Variants in POMT1 observed in about 807,000 individuals in gnomAD.
The protein encoded by POMT1 is protein O-mannosyl-transferase 1.
POMT1 carries 85 observed loss-of-function variants against 101.6 expected under a neutral mutation model. That is an observed-to-expected ratio of 0.84 (90% confidence interval 0.70 to 1.00). The LOEUF (loss-of-function observed/expected upper bound fraction) is 1.00. Among genes scored for constraint, POMT1 ranks in the 50% least tolerant of loss-of-function variants. POMT1 has a pLI of 0.00. For missense variants in POMT1, 857 were observed against 930.4 expected (o/e 0.92, Z 1.03); for synonymous variants, 371 against 383.0 (o/e 0.97, Z 0.37).
intron 11 of POMT1, among the ~76,000 whole-genome samples, chr9:131,512,359 C>T (rs558603402): frequency 1.2e-4 from 18 of 152,242 alleles, no homozygotes; most frequent in East Asian, 3.9e-4. Flanking sequence ...AGTTTCCAGG[C>T]GAGCCTCAAT....
chr9:131,508,774 A>C (rs940901140), intron 5 of POMT1, 137 bp from the exon 6 acceptor site: 1 of 694,862 alleles, frequency 1.4e-6, no homozygotes, highest in African/African-American at 1.8e-5. Flanking sequence ...TTGTGTCTAT[A>C]GAATGTTTTA....
Position 131,506,586 on chromosome 9 carries a change from A to T in POMT1, c.280+133A>T, listed in dbSNP as rs937151654. ...GTCCCACAGAAACTGTGCCTTATTA[A>T]TCTGAGTCCAGAAAATAATAAATTG... On this transcript the variant is annotated intron_variant, in intron 4 of 19. Transcript: ENST00000402686. 5 of 836,750 alleles carry T rather than the reference A, an allele frequency of 6.0e-6. No homozygotes were observed. In the African/African-American group the frequency reaches 8.5e-5, roughly 14 times the overall value. 51.8% of individuals were successfully genotyped at this position (836,750 alleles called of 1,614,324 possible). A position where few individuals can be genotyped will look rare whatever the true frequency, so the allele number is the denominator to read the frequency against.
chr9:131,512,698 G>A (rs142921022), intron 11 of POMT1, among the ~76,000 whole-genome samples: 2 of 151,864 alleles, frequency 1.3e-5, no homozygotes, highest in Admixed American at 6.6e-5. Flanking sequence ...TGCAACCTCC[G>A]CTTCCCGGGT....
intron 9 of POMT1, 173 bp from the exon 10 acceptor site, chr9:131,511,164 T>G: frequency 1.4e-6 from 1 of 725,494 alleles, no homozygotes; most frequent in Non-Finnish European, 2.2e-6. Flanking sequence ...TTAGTGCTCA[T>G]TATGGTTCTA....
At position 131,518,548 on chromosome 9, in the gene POMT1, T is replaced by A. The variant is rs771992358; in HGVS notation, c.1365+11T>A. On this transcript the variant is annotated intron_variant, in intron 14 of 19. Coordinates refer to ENST00000402686, the MANE Select transcript of POMT1 (RefSeq NM_001077365.2). ...TCCGCTGTCTTAAAGGTAAGGACAC[T>A]GTCCGTGGCTTGGCCTGTCCTGAGC... is the stretch of plus-strand genomic sequence containing the variant. 1 of 1,610,116 alleles carries A rather than the reference T, an allele frequency of 6.2e-7. No homozygotes were observed. The highest frequency in any genetic ancestry group is 1.7e-5 in the Admixed American group (1 of 60,022).
In POMT1 at chr9:131,515,467, T is replaced by A; in HGVS notation, c.1217T>A (p.Val406Asp). Residue 406 changes from valine (V) to aspartate (D), a missense_variant, in exon 13 of 20, where the codon GTC becomes GAC. Coordinates refer to ENST00000402686, the MANE Select transcript of POMT1 (RefSeq NM_001077365.2). ...AAPLSPHSQEVSCYIDYNISM... is the reference protein window; with the variant it reads ...AAPLSPHSQEDSCYIDYNISM... ...CCCCTGAGCCCCCATTCACAGGAGGTCTCCTGCTACATTGACTATAACATC... is the reference window on the plus strand; with the variant it reads ...CCCCTGAGCCCCCATTCACAGGAGGACTCCTGCTACATTGACTATAACATC... 1 of 1,614,084 alleles carries A rather than the reference T, an allele frequency of 6.2e-7. No homozygotes were observed. Among genetic ancestry groups the A allele is most frequent in the Non-Finnish European group, 8.5e-7 (1 of 1,180,024 alleles).
intron 8 of POMT1, 83 bp downstream of exon 8, chr9:131,510,079 C>CT: frequency 6.2e-7 from 1 of 1,614,096 alleles, no homozygotes. Context: ...GGTGAAAAGA[C>CT]TCCAATCCTC....
intron 2 of POMT1, among the ~76,000 whole-genome samples, chr9:131,504,817 C>T (rs111397669): frequency 0.04 from 5,978 of 148,768 alleles, 211 homozygotes; most frequent in Admixed American, 0.11. Flanking sequence ...CTTGCTGTGT[C>T]GCCCAGGTTG....
chr9:131,507,070 G>GA (rs752320381), intron 4 of POMT1, among the ~76,000 whole-genome samples: 116 of 132,798 alleles, frequency 8.7e-4, no homozygotes, highest in Non-Finnish European at 7.5e-4. Flanking sequence ...CCGTCTCAGA[G>GA]AAAAAAAAAA....
rs1318696194 is a variant in POMT1 at position 131,523,775 on chromosome 9, G to A, written c.*669G>A. 1 of 152,850 alleles carries A rather than the reference G, an allele frequency of 6.5e-6. No homozygotes were observed. Among genetic ancestry groups the A allele is most frequent in the Non-Finnish European group, 1.5e-5 (1 of 68,528 alleles). 9.5% of individuals were successfully genotyped at this position (152,850 alleles called of 1,614,324 possible). A position where few individuals can be genotyped will look rare whatever the true frequency, so the allele number is the denominator to read the frequency against. Reference sequence around the variant, plus strand: ...CTCCATGCCTTTGTCTTTTTTAAATGTAATTAAAAAAGGAACCAACTGGCG... The same window carrying A: ...CTCCATGCCTTTGTCTTTTTTAAATATAATTAAAAAAGGAACCAACTGGCG... On this transcript the variant is annotated 3_prime_UTR_variant, in exon 20 of 20. Transcript: ENST00000402686.
chr9:131,518,185 T>A, intron 13 of POMT1: 1 of 533,990 alleles, frequency 1.9e-6, no homozygotes, highest in Non-Finnish European at 3.6e-6. Flanking sequence ...CATCAGGCTT[T>A]GTATTTTCTG....
At position 131,518,546 on chromosome 9, in the gene POMT1, A is replaced by G. The variant is rs2131849509; in HGVS notation, c.1365+9A>G. On this transcript the variant is annotated intron_variant, in intron 14 of 19. Transcript: ENST00000402686. ...CTTCCGCTGTCTTAAAGGTAAGGAC[A>G]CTGTCCGTGGCTTGGCCTGTCCTGA... is the stretch of plus-strand genomic sequence containing the variant. The G allele has an allele frequency of 3.1e-6, 5 of 1,611,098 alleles. No homozygotes were observed. Among genetic ancestry groups the G allele is most frequent in the Non-Finnish European group, 4.2e-6 (5 of 1,177,518 alleles).
rs1433230722 is a variant in POMT1 at position 131,509,887 on chromosome 9, T to C, written c.606-16T>C. 1 of 1,614,254 alleles carries C rather than the reference T, an allele frequency of 6.2e-7. No individual in the cohort carries two copies. Among genetic ancestry groups the C allele is most frequent in the Admixed American group, 1.7e-5 (1 of 60,034 alleles). ...TCCTGTCTCATGTTAACTCCATTTC[T>C]GTCATGTCTTTGCAGCATCAAGTAC... is the stretch of plus-strand genomic sequence containing the variant. On this transcript the variant is annotated splice_polypyrimidine_tract_variant and intron_variant, in intron 7 of 19. Transcript: ENST00000402686.
chr9:131,512,175 T>A (rs763592774), intron 11 of POMT1, 39 bp downstream of exon 11: 2 of 1,607,740 alleles, frequency 1.2e-6, no homozygotes, highest in African/African-American at 2.7e-5. Flanking sequence ...AGAGCTCACC[T>A]CCTGGCCTGG....
At chr9:131,520,628 C>T (rs1258052756) in intron 17 of POMT1, among the ~76,000 whole-genome samples, 1 of 152,208 alleles carries the variant, frequency 6.6e-6, no homozygotes, top group Non-Finnish European at 1.5e-5. Context: ...TGGAAATGCC[C>T]ACCTTTTTCC....
chr9:131,508,715 C>T (rs1946409520), intron 5 of POMT1, among the ~76,000 whole-genome samples, 196 bp from the exon 6 acceptor site: 1 of 152,164 alleles, frequency 6.6e-6, no homozygotes, highest in South Asian at 2.1e-4. Context: ...AAGAAAGAGA[C>T]AGTAGAAAAT....
chr9:131,515,600 A>G (rs1026637272), intron 13 of POMT1, 78 bp downstream of exon 13: 8 of 1,350,636 alleles, frequency 5.9e-6, no homozygotes, highest in Non-Finnish European at 8.5e-6. Context: ...CCTCACCCGG[A>G]GCACTCCCTA....
rs753403833 is a variant in POMT1 at position 131,518,495 on chromosome 9, A to C, written c.1323A>C (p.Ser441=). 5.0e-6 allele frequency: 8 copies of C among 1,613,996 alleles called. No individual in the cohort carries two copies. The South Asian group carries it at 7.7e-5, about 16-fold the overall frequency. ...CAGACGTCTGGAAGACCATCCTCTCAGAGGTCCGCTTTGTGCACGTGAACA... is the reference window on the plus strand; with the variant it reads ...CAGACGTCTGGAAGACCATCCTCTCCGAGGTCCGCTTTGTGCACGTGAACA... ...SDTDVWKTIL[S]EVRFVHVNTS... Residue 441 remains serine, a synonymous_variant, in exon 14 of 20, where the codon TCA becomes TCC. Coordinates refer to ENST00000402686, the MANE Select transcript of POMT1 (RefSeq NM_001077365.2).
At chr9:131,505,975 C>T in intron 2 of POMT1, 139 bp from the exon 3 acceptor site, 1 of 1,190,038 alleles carries the variant, frequency 8.4e-7, no homozygotes, top group East Asian at 2.5e-5. Context: ...GGATGGGAAA[C>T]AATTGGGGCA....
Sources: gnomAD v4.1 joint callset for allele counts (sites outside exome capture counted in the v4.1 genomes callset) on GRCh38, gnomAD v4.1.1 for gene constraint, MANE v1.5 for transcripts, NCBI Gene and HGNC (gene_info 2026-07-23, HGNC 2026-07-21) for gene names.